Variants in CCDC57 observed in about 807,000 individuals in gnomAD.
CCDC57 encodes the protein coiled-coil domain containing 57.
In CCDC57, 118 loss-of-function variants were observed where a neutral mutation model predicts 118.9. The observed-to-expected ratio is 0.99, with a 90% CI of 0.86 to 1.16. The LOEUF (loss-of-function observed/expected upper bound fraction) is 1.16. Ranked by LOEUF, CCDC57 falls within the 50% of genes most tolerant of loss-of-function variation. The pLI is 0.00. For synonymous variants in CCDC57, 527 were observed against 532.9 expected, an observed-to-expected ratio of 0.99 and a Z score of 0.15; for missense variants, 1,300 against 1,320.7, an observed-to-expected ratio of 0.98 and a Z score of 0.24.
chr17:82,193,946 A>G (rs1437066293), intron 6 of CCDC57, 36 bp downstream of exon 5: 2 of 1,593,818 alleles, frequency 1.3e-6, no homozygotes, highest in East Asian at 4.5e-5. Context: ...CGAGGCTGCC[A>G]CAGAGCACGC....
At chr17:82,194,938 C>T (rs771613694) in intron 5 of CCDC57, among the ~76,000 whole-genome samples, 5 of 152,254 alleles carry the variant, frequency 3.3e-5, no homozygotes, top group Admixed American at 1.3e-4. Context: ...CATGGGCAGG[C>T]GTCGAGACTC....
At chr17:82,125,027 G>A (rs1402070891) in intron 19 of CCDC57, among the ~76,000 whole-genome samples, 1 of 152,144 alleles carries the variant, frequency 6.6e-6, no homozygotes, top group East Asian at 1.9e-4. Context: ...CAGGTGGGAG[G>A]GTCAGGAAGA....
exon 5 of CCDC57, chr17:82,195,323 C>A: frequency 6.2e-7 from 1 of 1,601,516 alleles, no homozygotes; most frequent in Admixed American, 1.7e-5. Flanking sequence ...GGAATTCGTG[C>A]TCCCTCTTCC....
chr17:82,163,816 A>G lies in CCDC57; in HGVS notation c.1883-459T>C, dbSNP rs559013180. Among the ~76,000 whole-genome samples the G allele has an allele frequency of 3.5e-4, 54 of 152,356 alleles. 1 individual carries two copies. Among genetic ancestry groups the G allele is most frequent in the African/African-American group, 1.3e-3 (54 of 41,594 alleles). On this transcript the variant is annotated intron_variant, in intron 13 of 19. Coordinates refer to ENST00000665763, the Ensembl canonical transcript of CCDC57. ...AAGCTGTCCTTCCAAGAATAATTAC[A>G]GCTTTAGATAAATATTTTAGAAAAG...
exon 5 of CCDC57, chr17:82,195,341 C>T (rs138536043): frequency 1.0e-5 from 16 of 1,597,700 alleles, no homozygotes; most frequent in African/African-American, 5.4e-5. Context: ...TCCGCATTTT[C>T]GATTCAAACT....
At chr17:82,188,536 T>C (rs2047263547) in intron 7 of CCDC57, 117 bp from the exon 7 acceptor site, 3 of 1,095,870 alleles carry the variant, frequency 2.7e-6, no homozygotes, top group Admixed American at 5.6e-5. Context: ...TATGTCTGCC[T>C]CAAGGCTTCG....
Position 82,192,993 on chromosome 17 carries a change from C to T in CCDC57, c.851+763G>A. Among the ~76,000 whole-genome samples the T allele has an allele frequency of 6.6e-6, 1 of 152,300 alleles. No individual in the cohort carries two copies. Among genetic ancestry groups the T allele is most frequent in the African/African-American group, 2.4e-5 (1 of 41,570 alleles). On this transcript the variant is annotated intron_variant, in intron 7 of 19. Transcript: ENST00000665763. The surrounding 1 kb of genome is among the most constrained non-coding windows in gnomAD (Gnocchi z 4.0). ...CCTCAAGTGATCCACCCACCTCGGC[C>T]TCCCAACATTCTGGGATTACAGGCC...
At chr17:82,138,570 G>A (rs1219165054) in intron 16 of CCDC57, among the ~76,000 whole-genome samples, 1 of 152,172 alleles carries the variant, frequency 6.6e-6, no homozygotes, top group East Asian at 1.9e-4. Context: ...GAAAAAAGAT[G>A]TTAAGGAAAT....
At chr17:82,111,795 C>T (rs143706758) in intron 19 of CCDC57, among the ~76,000 whole-genome samples, 1,534 of 151,870 alleles carry the variant, frequency 0.01, 33 homozygotes, top group African/African-American at 0.036. Context: ...TCAGTAGAGA[C>T]GGGGTTTTAC....
At chr17:82,103,832 G>A (rs975562832) in intron 19 of CCDC57, among the ~76,000 whole-genome samples, 2 of 67,304 alleles carry the variant, frequency 3.0e-5, no homozygotes, top group Admixed American at 1.2e-4. Flanking sequence ...CCGGGGCAGG[G>A]AGGGGCAGGG....
chr17:82,161,127 G>A (rs1172198875), intron 14 of CCDC57, among the ~76,000 whole-genome samples: 5 of 152,134 alleles, frequency 3.3e-5, no homozygotes, highest in African/African-American at 1.2e-4. Flanking sequence ...GGAGTCATCA[G>A]GAAAATGCAA....
At chr17:82,127,771 G>A in exon 19 of CCDC57, 1 of 1,613,030 alleles carries the variant, frequency 6.2e-7, no homozygotes, top group Non-Finnish European at 8.5e-7. Context: ...CCTGGAGGGT[G>A]CCACTGGCAA....
exon 17 of CCDC57, chr17:82,134,094 C>T: frequency 7.0e-7 from 1 of 1,419,902 alleles, no homozygotes; most frequent in South Asian, 1.6e-5. Flanking sequence ...AATGGGGCTG[C>T]ACCTGTCCCA....
chr17:82,204,030 C>T (rs994584585), intron 2 of CCDC57, among the ~76,000 whole-genome samples: 6 of 152,172 alleles, frequency 3.9e-5, no homozygotes, highest in African/African-American at 1.4e-4. Flanking sequence ...GACCCGTGGG[C>T]CCCTCCAGAA....
intron 19 of CCDC57, among the ~76,000 whole-genome samples, chr17:82,104,539 A>C (rs1230819212): frequency 6.6e-6 from 1 of 151,954 alleles, no homozygotes; most frequent in African/African-American, 2.4e-5. Flanking sequence ...GGTTTTTTAA[A>C]TTTTTATTTT....
intron 9 of CCDC57, among the ~76,000 whole-genome samples, chr17:82,182,722 G>C (rs1034438551): frequency 2.6e-5 from 4 of 151,084 alleles, no homozygotes; most frequent in African/African-American, 7.3e-5. Flanking sequence ...ATCTCACTCT[G>C]CTGCCCAGGC....
At chr17:82,183,022 A>G (rs993489521) in intron 9 of CCDC57, among the ~76,000 whole-genome samples, 2 of 152,184 alleles carry the variant, frequency 1.3e-5, no homozygotes, top group Non-Finnish European at 2.9e-5. Context: ...CTCACTTACT[A>G]TCATAAGCAC....
At chr17:82,115,615 G>A (rs2035787417) in intron 19 of CCDC57, among the ~76,000 whole-genome samples, 1 of 151,664 alleles carries the variant, frequency 6.6e-6, no homozygotes, top group Admixed American at 6.6e-5. Flanking sequence ...TACAAAAAAA[G>A]TTTTTAAAAA....
chr17:82,202,727 G>A (rs2049147210), intron 2 of CCDC57, among the ~76,000 whole-genome samples: 1 of 152,112 alleles, frequency 6.6e-6, no homozygotes, highest in Non-Finnish European at 1.5e-5. Flanking sequence ...TCCAGCCTGG[G>A]CGACACTAAG....
Sources: allele counts gnomAD v4.1 joint callset (sites outside exome capture counted in the v4.1 genomes callset), GRCh38; gene constraint gnomAD v4.1.1; non-coding constraint Gnocchi (gnomAD v3.1); transcripts MANE v1.5; gene names NCBI Gene and HGNC (gene_info 2026-07-23, HGNC 2026-07-21).